The following HDAC9 variants were observed in gnomAD, a reference collection of about 807,000 sequenced individuals.
HDAC9 encodes the protein MEF-2 interacting transcription repressor (MITR) protein.
Under a neutral mutation model 139.4 loss-of-function variants are expected in HDAC9, and 41 were observed. That is an observed-to-expected ratio of 0.29 (90% CI 0.23 to 0.38). The LOEUF (loss-of-function observed/expected upper bound fraction) is 0.38, where lower values mean the gene tolerates loss of function less well. Among genes scored for constraint, HDAC9 ranks in the 10% least tolerant of loss-of-function variants. The probability of loss-of-function intolerance (pLI) is 1.00; values close to 1 mark genes in which losing one functional copy is unlikely to be tolerated. For missense variants in HDAC9, 1,147 were observed against 1,297.0 expected (o/e 0.88, Z 1.78); for synonymous variants, 517 against 476.2 (o/e 1.09, Z -1.12).
chr7:18,806,375 C>G (rs1362170769), intron 17 of HDAC9, among the ~76,000 whole-genome samples: 9 of 152,116 alleles, frequency 5.9e-5, no homozygotes, highest in Admixed American at 5.9e-4. Flanking sequence ...GGCAGAATTC[C>G]TTTCCTTGTG....
intron 1 of HDAC9, among the ~76,000 whole-genome samples, chr7:18,451,401 G>GTGTGTGTA (rs760861605): frequency 0.016 from 2,211 of 135,176 alleles, 30 homozygotes; most frequent in Middle Eastern, 0.034. Context: ...GTGTGTGTGT[G>GTGTGTGTA]TATATATGTG....
intron 17 of HDAC9, among the ~76,000 whole-genome samples, chr7:18,825,487 A>G (rs559989344): frequency 6.6e-6 from 1 of 152,152 alleles, no homozygotes; most frequent in Non-Finnish European, 1.5e-5. Context: ...ATGACCTTGG[A>G]GTTAGTAGCA....
At chr7:18,896,411 G>A (rs1175318855) in intron 22 of HDAC9, among the ~76,000 whole-genome samples, 1 of 151,962 alleles carries the variant, frequency 6.6e-6, no homozygotes, top group African/African-American at 2.4e-5. Flanking sequence ...ACCTTTAAAA[G>A]CACAAGGTAG....
intron 2 of HDAC9, among the ~76,000 whole-genome samples, chr7:18,577,261 T>G (rs533561238): frequency 1.3e-5 from 2 of 152,318 alleles, no homozygotes; most frequent in African/African-American, 4.8e-5. Context: ...TGCCTACCTT[T>G]CTGACCTTTC....
chr7:18,421,169 A>G (rs1175489807), intron 1 of HDAC9, among the ~76,000 whole-genome samples: 1 of 152,190 alleles, frequency 6.6e-6, no homozygotes, highest in Non-Finnish European at 1.5e-5. Context: ...GTTATTTTAG[A>G]TAGTTGATTC....
intron 13 of HDAC9, among the ~76,000 whole-genome samples, chr7:18,728,402 AACACACACACACAC>A (rs56281287): frequency 0.032 from 4,693 of 145,634 alleles, 203 homozygotes; most frequent in African/African-American, 0.1. Context: ...TTAAGTGTGG[AACACACACACACAC>A]ACACACACAC....
chr7:18,227,798 C>T (rs1356061425), intron 2 of HDAC9, among the ~76,000 whole-genome samples: 1 of 152,076 alleles, frequency 6.6e-6, no homozygotes, highest in Non-Finnish European at 1.5e-5. Context: ...AAGGTTTTCT[C>T]CTAATATTTT....
intron 1 of HDAC9, among the ~76,000 whole-genome samples, chr7:18,094,543 G>C (rs778782124): frequency 6.8e-6 from 1 of 146,360 alleles, no homozygotes; most frequent in Non-Finnish European, 1.5e-5. Context: ...TGATCCTTCT[G>C]TGTCAGCCTC....
chr7:18,755,434 T>C (rs1195554230), intron 14 of HDAC9, among the ~76,000 whole-genome samples: 1 of 152,102 alleles, frequency 6.6e-6, no homozygotes, highest in Admixed American at 6.6e-5. Context: ...ATAAAAAGAG[T>C]TATATAATTT....
At chr7:18,778,032 G>A (rs907098353) in intron 16 of HDAC9, among the ~76,000 whole-genome samples, 2 of 151,904 alleles carry the variant, frequency 1.3e-5, no homozygotes, top group East Asian at 1.9e-4. Flanking sequence ...AGAGAGGTGA[G>A]TATCTTGTTC....
chr7:18,892,576 C>T (rs1018170851), intron 22 of HDAC9: 2 of 152,122 alleles, frequency 1.3e-5, no homozygotes, highest in Admixed American at 1.3e-4. Flanking sequence ...TCTTTCTTCT[C>T]TCCTGGAAGG....
At chr7:18,576,565 T>A (rs1826002267) in intron 2 of HDAC9, among the ~76,000 whole-genome samples, 1 of 149,970 alleles carries the variant, frequency 6.7e-6, no homozygotes, top group South Asian at 2.1e-4. Context: ...GGGAGGCTGA[T>A]GCAGGAGAAT....
intron 1 of HDAC9, among the ~76,000 whole-genome samples, chr7:18,452,992 C>CT (rs1282692385): frequency 1.3e-5 from 2 of 152,142 alleles, no homozygotes; most frequent in Admixed American, 1.3e-4. Flanking sequence ...AAAATGTTAC[C>CT]TTTTTTTCCC....
At chr7:18,875,443 T>G (rs1013747971) in intron 22 of HDAC9, among the ~76,000 whole-genome samples, 5 of 152,080 alleles carry the variant, frequency 3.3e-5, no homozygotes, top group African/African-American at 1.2e-4. Context: ...AGAGATGAGT[T>G]TGGAGCAAAT....
intron 2 of HDAC9, among the ~76,000 whole-genome samples, chr7:18,510,877 A>G (rs1278990881): frequency 6.6e-6 from 1 of 152,172 alleles, no homozygotes; most frequent in Non-Finnish European, 1.5e-5. Context: ...AATAAGATAT[A>G]AATCTTTCAG....
chr7:18,697,956 G>C (rs1198492748), intron 12 of HDAC9, among the ~76,000 whole-genome samples: 5 of 152,028 alleles, frequency 3.3e-5, no homozygotes, highest in Non-Finnish European at 7.4e-5. Context: ...AGTGTTCAGT[G>C]AACTCTAACT....
chr7:18,183,610 TTCACTACTTTTG>T (rs1371788829), intron 2 of HDAC9, among the ~76,000 whole-genome samples: 1 of 152,228 alleles, frequency 6.6e-6, no homozygotes, highest in Non-Finnish European at 1.5e-5. Context: ...GGCAGAACAC[TTCACTACTTTTG>T]TCATTTTAAA....
At chr7:18,122,060 G>A (rs924157211) in intron 1 of HDAC9, among the ~76,000 whole-genome samples, 22 of 152,112 alleles carry the variant, frequency 1.4e-4, no homozygotes, top group African/African-American at 5.3e-4. Context: ...AAGATCCATG[G>A]TATCAGCAGA....
At chr7:18,204,651 G>A (rs1791367755) in intron 2 of HDAC9, among the ~76,000 whole-genome samples, 1 of 151,902 alleles carries the variant, frequency 6.6e-6, no homozygotes, top group Non-Finnish European at 1.5e-5. Flanking sequence ...TAAATAAAAT[G>A]CGTGTGTGTT....
Sources: allele counts gnomAD v4.1 joint callset (sites outside exome capture counted in the v4.1 genomes callset), GRCh38; gene constraint gnomAD v4.1.1; transcripts MANE v1.5; gene names NCBI Gene and HGNC (gene_info 2026-07-23, HGNC 2026-07-21).